The following TNRC18 variants were observed in gnomAD, a reference collection of about 807,000 sequenced individuals.
TNRC18 encodes the protein trinucleotide repeat containing 18.
In TNRC18, 69 loss-of-function variants were observed where a neutral mutation model predicts 226.7. The ratio of observed to expected loss-of-function variants is 0.30; its 90% CI spans 0.25 to 0.37. The LOEUF (loss-of-function observed/expected upper bound fraction) is 0.37. Ranked by LOEUF, TNRC18 falls within the 10% of genes least tolerant of loss-of-function variation. The pLI is 1.00. For synonymous variants in TNRC18, 2,449 were observed against 1,927.6 expected (o/e 1.27, Z -7.09); for missense variants, 4,754 against 4,256.6 (o/e 1.12, Z -3.25).
intron 2 of TNRC18, among the ~76,000 whole-genome samples, chr7:5,404,931 C>T (rs542420376): frequency 2.6e-5 from 4 of 151,614 alleles, no homozygotes; most frequent in African/African-American, 7.3e-5. Context: ...CTGGACAACA[C>T]GGTGAAACCC....
chr7:5,329,929 A>AGGCTCAC (rs1562500374), intron 19 of TNRC18: 1 of 471,090 alleles, frequency 2.1e-6, no homozygotes, highest in Middle Eastern at 3.2e-4. Context: ...ATAATACCAG[A>AGGCTCAC]GGCTCACCCA....
At chr7:5,415,369 CTTTTTTTTTTTTT>C (rs368389351) in intron 2 of TNRC18, among the ~76,000 whole-genome samples, 2 of 83,094 alleles carry the variant, frequency 2.4e-5, no homozygotes, top group African/African-American at 5.2e-5. Flanking sequence ...CTGTGTCCCT[CTTTTTTTTTTTTT>C]TTTTTTTTTT....
chr7:5,402,807 C>T (rs906835141), intron 2 of TNRC18, among the ~76,000 whole-genome samples: 3 of 151,774 alleles, frequency 2.0e-5, no homozygotes, highest in Non-Finnish European at 4.4e-5. Flanking sequence ...TGAGGCGACA[C>T]AGTGCCACTG....
At chr7:5,369,587 G>A (rs1236707224) in intron 11 of TNRC18, among the ~76,000 whole-genome samples, 1 of 152,098 alleles carries the variant, frequency 6.6e-6, no homozygotes, top group African/African-American at 2.4e-5. Flanking sequence ...GAGGGAAGGA[G>A]GGAAGGAGAC....
intron 5 of TNRC18, among the ~76,000 whole-genome samples, chr7:5,387,225 C>T (rs912089307): frequency 1.3e-5 from 2 of 152,246 alleles, no homozygotes; most frequent in Admixed American, 1.3e-4. Context: ...ACCCCAGTTT[C>T]TGTCTGTTCC....
At chr7:5,330,669 G>A (rs1789432327) in intron 19 of TNRC18, among the ~76,000 whole-genome samples, 2 of 151,842 alleles carry the variant, frequency 1.3e-5, no homozygotes, top group South Asian at 2.1e-4. Context: ...GTGCTACCTG[G>A]TAGCATTATT....
At chr7:5,352,161 G>T (rs1449894375) in intron 16 of TNRC18, 67 bp from the exon 17 acceptor site, 1 of 1,464,992 alleles carries the variant, frequency 6.8e-7, no homozygotes, top group Non-Finnish European at 9.1e-7. Flanking sequence ...CATTTTATTG[G>T]TTTTAATGGT....
At chr7:5,349,745 G>A (rs182850560) in intron 17 of TNRC18, among the ~76,000 whole-genome samples, 105 of 152,328 alleles carry the variant, frequency 6.9e-4, no homozygotes, top group African/African-American at 2.4e-3. Context: ...ATGGGGAGGG[G>A]TCAAGGGTGG....
rs1424997844 is a variant in TNRC18 at position 5,388,099 on chromosome 7, C to T, written c.1725G>A (p.Ala575=). Residue 575 remains alanine, a synonymous_variant, in exon 5 of 30, where the codon GCG becomes GCA. Coordinates refer to ENST00000430969, the MANE Select transcript of TNRC18 (RefSeq NM_001080495.3). ...CCGAGGCCTCTCCAGACCCGTGGGC[C>T]GCAGAGTGCATGTCAGCGACCGGCC... ...CGRPVADMHS[A]AHGSGEASAM... The T allele has an allele frequency of 1.3e-6, 2 of 1,553,452 alleles. No homozygotes were observed. The highest frequency in any genetic ancestry group is 1.7e-6 in the Non-Finnish European group (2 of 1,149,194).
At chr7:5,348,759 G>T (rs1288771716) in intron 17 of TNRC18, among the ~76,000 whole-genome samples, 1 of 152,146 alleles carries the variant, frequency 6.6e-6, no homozygotes, top group African/African-American at 2.4e-5. Context: ...AGGCTGGAGA[G>T]GCCAGCCAGG....
chr7:5,321,833 G>A (rs1233417387), intron 21 of TNRC18, among the ~76,000 whole-genome samples: 5 of 151,560 alleles, frequency 3.3e-5, no homozygotes, highest in East Asian at 2.0e-4. Context: ...CACCAGGCCC[G>A]GCTAATTTTT....
chr7:5,329,920 T>C (rs890966583), intron 19 of TNRC18: 9 of 470,912 alleles, frequency 1.9e-5, no homozygotes, highest in African/African-American at 1.6e-4. Flanking sequence ...TATCCAGCTA[T>C]AATACCAGAG....
Position 5,317,387 on chromosome 7 carries a change from C to T in TNRC18, c.6746-1315G>A, listed in dbSNP as rs555412022. Among the ~76,000 whole-genome samples, 349 of 152,176 alleles carry T rather than the reference C, an allele frequency of 2.3e-3. 2 individuals are homozygous for T. The highest frequency in any genetic ancestry group is 7.7e-3 in the African/African-American group (319 of 41,516). ...AGCAGATCACCTGAGGTCACGAGTT[C>T]GAGGCCAGTCAGGCCAACATGGTGA... On this transcript the variant is annotated intron_variant, in intron 24 of 29. Coordinates refer to ENST00000430969, the MANE Select transcript of TNRC18 (RefSeq NM_001080495.3).
At chr7:5,350,919 C>T (rs1439277598) in intron 17 of TNRC18, among the ~76,000 whole-genome samples, 1 of 152,142 alleles carries the variant, frequency 6.6e-6, no homozygotes, top group African/African-American at 2.4e-5. Context: ...AGGCTCTGGG[C>T]CCTGCACTGC....
chr7:5,364,933 T>C (rs966447540), intron 11 of TNRC18, among the ~76,000 whole-genome samples: 6 of 152,056 alleles, frequency 3.9e-5, no homozygotes, highest in Non-Finnish European at 7.4e-5. Context: ...GCTTGGACCT[T>C]ATAAAAACTG....
At chr7:5,349,744 G>T (rs941985958) in intron 17 of TNRC18, among the ~76,000 whole-genome samples, 2 of 152,222 alleles carry the variant, frequency 1.3e-5, no homozygotes, top group Admixed American at 6.5e-5. Context: ...CATGGGGAGG[G>T]GTCAAGGGTG....
intron 5 of TNRC18, among the ~76,000 whole-genome samples, chr7:5,378,697 C>T (rs1254768056): frequency 6.6e-6 from 1 of 151,596 alleles, no homozygotes; most frequent in Admixed American, 6.6e-5. Flanking sequence ...GGATTACAGG[C>T]GTGAGTCACC....
rs376219465 is a variant in TNRC18, at chr7:5,308,101, C to T, written c.*5G>A. Reference sequence around the variant, plus strand: ...GGCACAGGTGGCCCGCAGGGCCCGGCGGGCTCAGCAGAGCACGGGCACGCC... The same window carrying T: ...GGCACAGGTGGCCCGCAGGGCCCGGTGGGCTCAGCAGAGCACGGGCACGCC... On this transcript the variant is annotated 3_prime_UTR_variant, in exon 30 of 30. Transcript: ENST00000430969. 487 of 1,546,964 alleles carry T rather than the reference C, an allele frequency of 3.1e-4. No homozygotes were observed. The highest frequency in any genetic ancestry group is 4.1e-4 in the Non-Finnish European group (468 of 1,145,096).
At chr7:5,381,223 C>A (rs546944988) in intron 5 of TNRC18, among the ~76,000 whole-genome samples, 1 of 152,348 alleles carries the variant, frequency 6.6e-6, no homozygotes, top group Non-Finnish European at 1.5e-5. Context: ...CTCTGTCCCC[C>A]ACCCCTGCGC....
Sources: allele counts gnomAD v4.1 joint callset (sites outside exome capture counted in the v4.1 genomes callset), GRCh38; gene constraint gnomAD v4.1.1; transcripts MANE v1.5; gene names NCBI Gene and HGNC (gene_info 2026-07-23, HGNC 2026-07-21).